Variants in ANKS6 observed in about 807,000 individuals in gnomAD.
ANKS6 encodes the protein ankyrin repeat and SAM domain-containing protein 6.
Under a neutral mutation model 77.9 loss-of-function variants are expected in ANKS6, and 47 were observed. That is an observed-to-expected ratio of 0.60 (90% CI 0.48 to 0.77). The LOEUF is 0.77. Among genes scored for constraint, ANKS6 ranks in the 30% least tolerant of loss-of-function variants. The pLI is 0.00. For synonymous variants in ANKS6, 488 were observed against 501.7 expected, an observed-to-expected ratio of 0.97 and a Z score of 0.37; for missense variants, 1,150 against 1,159.1, an observed-to-expected ratio of 0.99 and a Z score of 0.11.
intron 1 of ANKS6, among the ~76,000 whole-genome samples, chr9:98,792,855 T>A (rs887779763): frequency 2.6e-5 from 4 of 151,860 alleles, no homozygotes; most frequent in African/African-American, 9.7e-5. Flanking sequence ...AGAAAAGGGG[T>A]GAATTAGAGC....
intron 11 of ANKS6, among the ~76,000 whole-genome samples, chr9:98,756,913 G>A (rs1304758675): frequency 7.4e-6 from 1 of 134,754 alleles, no homozygotes; most frequent in African/African-American, 2.7e-5. Context: ...CTTGCATTGT[G>A]GCTTTGGCCA....
chr9:98,788,380 G>A (rs1359996120), intron 2 of ANKS6, among the ~76,000 whole-genome samples: 1 of 152,168 alleles, frequency 6.6e-6, no homozygotes, highest in Non-Finnish European at 1.5e-5. Flanking sequence ...CCTCCTCAGA[G>A]GGTCCCTGCG....
chr9:98,737,398 G>A (rs1298170616), intron 14 of ANKS6, among the ~76,000 whole-genome samples: 3 of 152,086 alleles, frequency 2.0e-5, no homozygotes, highest in Non-Finnish European at 2.9e-5. Flanking sequence ...CAAGATTAAC[G>A]TACACAAATC....
At position 98,745,584 on chromosome 9, in the gene ANKS6, G is replaced by A. The variant is rs561775954; in HGVS notation, c.2486C>T (p.Ala829Val). ...CTTGCCTGCGTTCAGTTCAGAAATC[G>A]CTGCCAGAATCTGCTGCCTGGACCC... ...TDGSRQQILA[A>V]ISELNAGKGR... The change falls in exon 14 of 15, where the codon GCG (alanine) becomes GTG (valine). Residue 829 changes from alanine (A) to valine (V), a missense_variant. By Grantham distance (64) the Ala-to-Val change is moderately conservative. Transcript: ENST00000353234. The A allele has an allele frequency of 2.1e-5, 34 of 1,613,900 alleles. 1 individual carries two copies. Among genetic ancestry groups the A allele is most frequent in the African/African-American group, 6.7e-5 (5 of 74,918 alleles).
At chr9:98,794,368 G>A (rs1293638652) in intron 1 of ANKS6, among the ~76,000 whole-genome samples, 2 of 152,176 alleles carry the variant, frequency 1.3e-5, no homozygotes, top group African/African-American at 4.8e-5. Flanking sequence ...CAAGGAAGAA[G>A]AGCACAAGGC....
chr9:98,732,420 A>G lies in ANKS6; in HGVS notation c.*4099T>C. On this transcript the variant is annotated 3_prime_UTR_variant, in exon 15 of 15. Coordinates refer to ENST00000353234, the MANE Select transcript of ANKS6 (RefSeq NM_173551.5). ...GAAATCCAGTGACAGCAAGACCCAGAGTCAGGCACATTTGGAGGGCAGGTC... is the reference window on the plus strand; with the variant it reads ...GAAATCCAGTGACAGCAAGACCCAGGGTCAGGCACATTTGGAGGGCAGGTC... 1 of 1,430,404 alleles carries G rather than the reference A, an allele frequency of 7.0e-7. No homozygotes were observed. 88.6% of individuals were successfully genotyped at this position (1,430,404 alleles called of 1,614,324 possible). A position where few individuals can be genotyped will look rare whatever the true frequency, so the allele number is the denominator to read the frequency against.
chr9:98,737,249 G>A (rs1242396236), intron 14 of ANKS6, among the ~76,000 whole-genome samples: 11 of 152,166 alleles, frequency 7.2e-5, no homozygotes. Context: ...AACAGAGACT[G>A]CGTCCTAGCC....
chr9:98,792,980 A>G (rs548690476), intron 1 of ANKS6, among the ~76,000 whole-genome samples: 2 of 152,362 alleles, frequency 1.3e-5, no homozygotes, highest in African/African-American at 4.8e-5. Context: ...TGTGGATGCT[A>G]AGTTTCTAAT....
chr9:98,793,411 T>C (rs1039119732), intron 1 of ANKS6, among the ~76,000 whole-genome samples: 9 of 152,216 alleles, frequency 5.9e-5, no homozygotes, highest in Non-Finnish European at 7.3e-5. Flanking sequence ...AGGATGACAA[T>C]AGTACCTCCT....
Position 98,768,244 on chromosome 9 carries a change from C to T in ANKS6, c.1979G>A (p.Ser660Asn). The change falls in exon 11 of 15, where the codon AGC becomes AAC. Residue 660 changes from serine (S) to asparagine (N), a missense_variant. Transcript: ENST00000353234. ...GATTTGGGACAAGACATTGTCTATG[C>T]TGCCACCTGAGGAAACACAAAATGA... ...GGELLNRSGG[S>N]IDNVLSQIAA... 1 of 1,614,032 alleles carries T rather than the reference C, an allele frequency of 6.2e-7. No homozygotes were observed. The highest frequency in any genetic ancestry group is 8.5e-7 in the Non-Finnish European group (1 of 1,180,038).
At chr9:98,768,952 C>T (rs1050078131) in intron 10 of ANKS6, among the ~76,000 whole-genome samples, 2 of 151,866 alleles carry the variant, frequency 1.3e-5, no homozygotes, top group African/African-American at 4.8e-5. Context: ...ATGGTGAAAC[C>T]CTGTCTCTAC....
At chr9:98,761,870 A>G (rs1021784569) in intron 11 of ANKS6, among the ~76,000 whole-genome samples, 15 of 152,170 alleles carry the variant, frequency 9.9e-5, no homozygotes, top group African/African-American at 3.1e-4. Flanking sequence ...ATTCTTTTTC[A>G]TATGACTATT....
Position 98,735,123 on chromosome 9 carries a change from T to C in ANKS6, c.*1396A>G. On this transcript the variant is annotated 3_prime_UTR_variant, in exon 15 of 15. Transcript: ENST00000353234. Reference sequence around the variant, plus strand: ...GTAGAGATCAGAATTCTGTGCAGCCTACCATCGACTGGGTACTTCCTGCAG... The same window carrying C: ...GTAGAGATCAGAATTCTGTGCAGCCCACCATCGACTGGGTACTTCCTGCAG... The C allele has an allele frequency of 1.0e-6, 1 of 985,408 alleles. No homozygotes were observed. The highest frequency in any genetic ancestry group is 1.2e-6 in the Non-Finnish European group (1 of 829,930). The allele number at this position is 985,408 out of a possible 1,614,324, so 61.0% of individuals were successfully genotyped here.
At position 98,768,096 on chromosome 9, in the gene ANKS6, G is replaced by T. The variant is rs553135386; in HGVS notation, c.2127C>A (p.Ser709Arg). 3.1e-6 allele frequency: 5 copies of T among 1,609,852 alleles called. No homozygotes were observed. In the Admixed American group the frequency reaches 6.7e-5, roughly 22 times the overall value. Residue 709 changes from serine to arginine, a missense_variant, in exon 11 of 15, where the codon AGC (serine) becomes AGA (arginine). Transcript: ENST00000353234. Reference sequence around the variant, plus strand: ...AAACAAGCACCTTGCCAACAGGAGCGCTGCCACCTGCAGGGGAGGCTGGAA... The same window carrying T: ...AAACAAGCACCTTGCCAACAGGAGCTCTGCCACCTGCAGGGGAGGCTGGAA... ...SELPASPAGGSAPVGKKLETS... is the reference protein window; with the variant it reads ...SELPASPAGGRAPVGKKLETS...
At chr9:98,765,454 T>C (rs987160262) in intron 11 of ANKS6, among the ~76,000 whole-genome samples, 16 of 152,228 alleles carry the variant, frequency 1.1e-4, no homozygotes, top group African/African-American at 3.9e-4. Context: ...TTTCAACCCA[T>C]GCCTTCAGCC....
chr9:98,777,656 A>G (rs1307611285), intron 7 of ANKS6, among the ~76,000 whole-genome samples: 2 of 152,188 alleles, frequency 1.3e-5, no homozygotes, highest in African/African-American at 4.8e-5. Context: ...TCCATAAACC[A>G]CTGCCGTACT....
At chr9:98,775,582 C>T (rs1253925023) in intron 8 of ANKS6, among the ~76,000 whole-genome samples, 2 of 152,076 alleles carry the variant, frequency 1.3e-5, no homozygotes, top group African/African-American at 2.4e-5. Context: ...ATGCAAAGTG[C>T]GATGAATAGT....
intron 8 of ANKS6, 115 bp from the exon 9 acceptor site, chr9:98,774,195 C>T: frequency 1.0e-6 from 1 of 953,160 alleles, no homozygotes; most frequent in Non-Finnish European, 1.4e-6. Context: ...CACCCCTCCA[C>T]CCAAGCCGGG....
chr9:98,734,319 A>G lies in ANKS6; in HGVS notation c.*2200T>C. Reference sequence around the variant, plus strand: ...TCATCCAATGAGTTCATGGAGGTCTACATTTGTGAAAAGGTGACCCCCCGG... The same window carrying G: ...TCATCCAATGAGTTCATGGAGGTCTGCATTTGTGAAAAGGTGACCCCCCGG... On this transcript the variant is annotated 3_prime_UTR_variant, in exon 15 of 15. Transcript: ENST00000353234. 1 of 985,486 alleles carries G rather than the reference A, an allele frequency of 1.0e-6. No homozygotes were observed. The highest frequency in any genetic ancestry group is 1.2e-6 in the Non-Finnish European group (1 of 829,988). The allele number at this position is 985,486 out of a possible 1,614,324, so 61.0% of individuals were successfully genotyped here.
Sources: allele counts gnomAD v4.1 joint callset (sites outside exome capture counted in the v4.1 genomes callset), GRCh38; gene constraint gnomAD v4.1.1; transcripts MANE v1.5; gene names NCBI Gene and HGNC (gene_info 2026-07-23, HGNC 2026-07-21).